The following ZFHX3 variants were observed in gnomAD, a reference collection of about 807,000 sequenced individuals.
ZFHX3 encodes the protein zinc finger homeobox protein 3.
A neutral mutation model predicts 279.1 loss-of-function variants in ZFHX3; 42 were observed. That is an observed-to-expected ratio of 0.15 (90% CI 0.12 to 0.19). ZFHX3 has a LOEUF of 0.19. Among genes scored for constraint, ZFHX3 ranks in the 10% least tolerant of loss-of-function variants. ZFHX3 has a pLI of 1.00. For missense variants in ZFHX3, 4,981 were observed against 4,754.0 expected, an observed-to-expected ratio of 1.05 and a Z score of -1.40; for synonymous variants, 2,293 against 1,957.8, an observed-to-expected ratio of 1.17 and a Z score of -4.52.
intron 3 of ZFHX3, among the ~76,000 whole-genome samples, chr16:72,911,200 G>A (rs948033576): frequency 1.3e-5 from 2 of 152,196 alleles, no homozygotes; most frequent in Admixed American, 6.5e-5. Context: ...AGCTTCACAA[G>A]GGAAGCCAGC....
intron 1 of ZFHX3, among the ~76,000 whole-genome samples, chr16:73,792,705 G>T (rs1304996243): frequency 6.6e-6 from 1 of 152,176 alleles, no homozygotes; most frequent in African/African-American, 2.4e-5. Context: ...AATGGAGAAT[G>T]GCAAGTGGTG....
chr16:73,770,896 G>A (rs1379090008), intron 1 of ZFHX3, among the ~76,000 whole-genome samples: 1 of 152,178 alleles, frequency 6.6e-6, no homozygotes, highest in South Asian at 2.1e-4. Flanking sequence ...ACCATTATGT[G>A]TTAGACGGAT....
At chr16:72,965,842 G>A (rs1961809135) in intron 1 of ZFHX3, among the ~76,000 whole-genome samples, 1 of 152,180 alleles carries the variant, frequency 6.6e-6, no homozygotes, top group Non-Finnish European at 1.5e-5. Flanking sequence ...AAGAATTTTA[G>A]GGGTGGGATG....
At position 73,298,269 on chromosome 16, in the gene ZFHX3, G is replaced by A. The variant is rs1009435230; in HGVS notation, c.-1194+19971C>T. Among the ~76,000 whole-genome samples the A allele has an allele frequency of 8.9e-5, 13 of 145,738 alleles. 1 individual carries two copies. The highest frequency in any genetic ancestry group is 2.1e-4 in the African/African-American group (8 of 37,832). ...TTGATCTCAGCTCACTGCAACCTCCGCCCCTCCCAGGTTCAAGCGATTCTC... is the reference window on the plus strand; with the variant it reads ...TTGATCTCAGCTCACTGCAACCTCCACCCCTCCCAGGTTCAAGCGATTCTC... On this transcript the variant is annotated intron_variant, in intron 4 of 17. Transcript: ENST00000641206.
intron 4 of ZFHX3, among the ~76,000 whole-genome samples, chr16:73,311,779 A>G (rs1485539247): frequency 6.6e-6 from 1 of 152,168 alleles, no homozygotes; most frequent in African/African-American, 2.4e-5. Flanking sequence ...ACATAGGCCA[A>G]ACTTAACAAG....
At chr16:73,026,604 G>A (rs1241270024) in intron 1 of ZFHX3, among the ~76,000 whole-genome samples, 1 of 147,460 alleles carries the variant, frequency 6.8e-6, no homozygotes, top group African/African-American at 2.5e-5. Flanking sequence ...CTGGGAGGTG[G>A]AGGTTGCAGT....
intron 4 of ZFHX3, among the ~76,000 whole-genome samples, chr16:73,289,222 T>A (rs1384533211): frequency 6.6e-6 from 1 of 151,888 alleles, no homozygotes; most frequent in Non-Finnish European, 1.5e-5. Flanking sequence ...GCTGTCTGGC[T>A]GAACATCCCT....
At chr16:73,566,449 G>T (rs2020451877) in intron 2 of ZFHX3, among the ~76,000 whole-genome samples, 1 of 152,200 alleles carries the variant, frequency 6.6e-6, no homozygotes, top group Non-Finnish European at 1.5e-5. Context: ...CCTTCTGGAG[G>T]CTCCGAGGGA....
chr16:72,925,608 G>T (rs75805805), intron 3 of ZFHX3, among the ~76,000 whole-genome samples: 2 of 152,214 alleles, frequency 1.3e-5, no homozygotes, highest in Non-Finnish European at 2.9e-5. Context: ...ACCCCGTCCC[G>T]TGTCTTTCCC....
chr16:73,109,961 C>T (rs544585169), intron 7 of ZFHX3, among the ~76,000 whole-genome samples: 31 of 152,202 alleles, frequency 2.0e-4, no homozygotes, highest in African/African-American at 6.7e-4. Context: ...TTCATTTGGG[C>T]GGGGCGCAGT....
chr16:73,429,069 A>G (rs1449193965), intron 3 of ZFHX3, among the ~76,000 whole-genome samples: 1 of 152,146 alleles, frequency 6.6e-6, no homozygotes, highest in Non-Finnish European at 1.5e-5. Context: ...AACCCTTAGC[A>G]TGGTTTACAG....
intron 1 of ZFHX3, among the ~76,000 whole-genome samples, chr16:72,978,452 C>T (rs1437548853): frequency 6.6e-6 from 1 of 152,132 alleles, no homozygotes; most frequent in Non-Finnish European, 1.5e-5. Context: ...TAGAAGAAAA[C>T]TTGCAGGCCA....
At chr16:73,700,264 G>A (rs1280335805) in intron 1 of ZFHX3, among the ~76,000 whole-genome samples, 1 of 152,028 alleles carries the variant, frequency 6.6e-6, no homozygotes, top group African/African-American at 2.4e-5. Flanking sequence ...CTAAAAAGTT[G>A]ATGTTACTGA....
At chr16:73,362,962 A>G (rs866894832) in intron 3 of ZFHX3, among the ~76,000 whole-genome samples, 1 of 152,260 alleles carries the variant, frequency 6.6e-6, no homozygotes, top group Non-Finnish European at 1.5e-5. Flanking sequence ...GTTATATTTG[A>G]TTAAACAAAT....
intron 3 of ZFHX3, among the ~76,000 whole-genome samples, chr16:73,390,145 G>A (rs1369633174): frequency 1.3e-5 from 2 of 151,944 alleles, no homozygotes; most frequent in African/African-American, 2.4e-5. Flanking sequence ...TGCTTCTCCA[G>A]GTTAAAAAAT....
intron 2 of ZFHX3, among the ~76,000 whole-genome samples, chr16:73,481,718 C>G (rs1039132764): frequency 6.6e-6 from 1 of 152,110 alleles, no homozygotes; most frequent in South Asian, 2.1e-4. Context: ...GTCTCAAACT[C>G]TTGGCCTCAA....
chr16:72,883,868 C>G (rs1317151718), intron 4 of ZFHX3, among the ~76,000 whole-genome samples: 2 of 152,234 alleles, frequency 1.3e-5, no homozygotes, highest in Admixed American at 1.3e-4. Context: ...CTTCCCCAAA[C>G]CCGGTAAACA....
intron 1 of ZFHX3, among the ~76,000 whole-genome samples, chr16:73,838,342 T>A (rs1961200367): frequency 6.6e-6 from 1 of 152,214 alleles, no homozygotes; most frequent in African/African-American, 2.4e-5. Flanking sequence ...TATATGAGCA[T>A]ATTTCTGTCA....
intron 4 of ZFHX3, among the ~76,000 whole-genome samples, chr16:72,833,520 G>A (rs1039815812): frequency 6.6e-6 from 1 of 152,206 alleles, no homozygotes; most frequent in Non-Finnish European, 1.5e-5. Context: ...TACAGAAAAA[G>A]AGACCAAGAC....
Sources: allele counts gnomAD v4.1 joint callset (sites outside exome capture counted in the v4.1 genomes callset), GRCh38; gene constraint gnomAD v4.1.1; transcripts MANE v1.5; gene names NCBI Gene and HGNC (gene_info 2026-07-23, HGNC 2026-07-21).